NT5C1B: variants seen among roughly 807,000 people sequenced by gnomAD.
NT5C1B encodes 5'-nucleotidase, cytosolic IB.
Under a neutral mutation model 57.8 loss-of-function variants are expected in NT5C1B, and 44 were observed. That is an observed-to-expected ratio of 0.76 (90% CI 0.60 to 0.98). The LOEUF is 0.98. Among genes scored for constraint, NT5C1B ranks in the 50% least tolerant of loss-of-function variants. The probability of loss-of-function intolerance (pLI) is 0.00; values close to 1 mark genes in which losing one functional copy is unlikely to be tolerated. For synonymous variants in NT5C1B, 284 were observed against 282.6 expected, an observed-to-expected ratio of 1.00 and a Z score of -0.05; for missense variants, 742 against 719.5, an observed-to-expected ratio of 1.03 and a Z score of -0.36.
chr2:18,563,384 C>G (rs1664344628), exon 9 of NT5C1B: 1 of 154,500 alleles, frequency 6.5e-6, no homozygotes, highest in Non-Finnish European at 1.4e-5. Flanking sequence ...GTGTGCTTAA[C>G]CATACTCCTT....
At chr2:18,577,675 A>T (rs189421649) in intron 6 of NT5C1B, among the ~76,000 whole-genome samples, 102 of 152,066 alleles carry the variant, frequency 6.7e-4, no homozygotes, top group African/African-American at 2.1e-3. Context: ...ACAAATTAAC[A>T]ACATAACATC....
intron 5 of NT5C1B, chr2:18,583,553 T>C (rs1666373888): frequency 3.5e-6 from 1 of 289,634 alleles, no homozygotes; most frequent in African/African-American, 2.2e-5. Flanking sequence ...GTGTCATTTG[T>C]TTTTGCATGG....
intron 8 of NT5C1B, among the ~76,000 whole-genome samples, chr2:18,569,562 A>G (rs1664964095): frequency 1.3e-5 from 2 of 152,154 alleles, no homozygotes; most frequent in Admixed American, 1.3e-4. Flanking sequence ...ATCATATCAT[A>G]CAAACATTAG....
chr2:18,566,508 T>C (rs2079570915), intron 8 of NT5C1B, among the ~76,000 whole-genome samples: 1 of 152,202 alleles, frequency 6.6e-6, no homozygotes, highest in Non-Finnish European at 1.5e-5. Flanking sequence ...AGAAAACTCA[T>C]AGTGACTGTT....
Position 18,584,434 on chromosome 2 carries a change from C to G in NT5C1B, c.723+80G>C. 6.5e-6 allele frequency: 10 copies of G among 1,549,488 alleles called. No homozygotes were observed. Among genetic ancestry groups the G allele is most frequent in the Non-Finnish European group, 8.7e-6 (10 of 1,149,660 alleles). Reference sequence around the variant, plus strand: ...GGGGAGGAGAAGCGGGAGGACCTCCCTGCGCAGTGGAGAGGAGGGCGGCTG... The same window carrying G: ...GGGGAGGAGAAGCGGGAGGACCTCCGTGCGCAGTGGAGAGGAGGGCGGCTG... On this transcript the variant is annotated intron_variant, in intron 4 of 8. Coordinates refer to ENST00000304081, the Ensembl canonical transcript of NT5C1B. The surrounding 1 kb of genome is among the most constrained non-coding windows in gnomAD (Gnocchi z 5.8).
chr2:18,588,391 G>A (rs1024072030), intron 1 of NT5C1B, among the ~76,000 whole-genome samples: 3 of 152,158 alleles, frequency 2.0e-5, no homozygotes, highest in Non-Finnish European at 4.4e-5. Flanking sequence ...ATCCACTAGA[G>A]CAGTCTATAT....
rs781054410 is a variant in NT5C1B at position 18,584,621 on chromosome 2, C to A, written c.616G>T (p.Glu206Ter). The change falls in exon 4 of 9, where the codon GAG becomes TAG. Residue 206 changes from glutamate to a stop codon, truncating the protein, a stop_gained. Coordinates refer to ENST00000304081, the Ensembl canonical transcript of NT5C1B. LOFTEE classifies it high-confidence loss of function. The surrounding 1 kb of genome is among the most constrained non-coding windows in gnomAD (Gnocchi z 5.8). ...TCCTCCCGCTGCTGCTGCTGCTGCT[C>A]GGACAGAGAGTTGCGGTCCAGCTGG... 6.2e-7 allele frequency: 1 copy of A among 1,612,756 alleles called. No homozygotes were observed. Among genetic ancestry groups the A allele is most frequent in the East Asian group, 2.2e-5 (1 of 44,810 alleles).
chr2:18,585,430 A>G (rs752196750), intron 3 of NT5C1B, among the ~76,000 whole-genome samples: 1 of 152,134 alleles, frequency 6.6e-6, no homozygotes, highest in African/African-American at 2.4e-5. Flanking sequence ...TGGGCCAGAC[A>G]TTCTCACCAG....
At chr2:18,586,511 G>C in intron 2 of NT5C1B, 120 bp from the exon 3 acceptor site, 1 of 1,443,432 alleles carries the variant, frequency 6.9e-7, no homozygotes, top group Non-Finnish European at 9.3e-7. Context: ...AAGATCCCTG[G>C]CCTCAATGAC....
Position 18,584,479 on chromosome 2 carries a change from G to A in NT5C1B, c.723+35C>T, listed in dbSNP as rs769814015. 201 of 1,589,410 alleles carry A rather than the reference G, an allele frequency of 1.3e-4. No individual in the cohort carries two copies. Among genetic ancestry groups the A allele is most frequent in the Middle Eastern group, 2.0e-4 (1 of 4,968 alleles). On this transcript the variant is annotated intron_variant, in intron 4 of 8. Transcript: ENST00000304081. The surrounding 1 kb of genome is among the most constrained non-coding windows in gnomAD (Gnocchi z 5.8). ...CGGCTGGAAGAGGCTGCAAGGAAGG[G>A]CGCCCCGGCTGCCAGGGGCGGCGGG...
rs945565364 is a variant in NT5C1B at position 18,584,504 on chromosome 2, G to T, written c.723+10C>A. On this transcript the variant is annotated intron_variant, in intron 4 of 8. Transcript: ENST00000304081. This position sits in a 1 kb window ranked among gnomAD's most constrained non-coding sequence, Gnocchi z 5.8. ...GCGCCCCGGCTGCCAGGGGCGGCGG[G>T]CTGGCTCACCGGCCAGGGGCGCGAG... 1.9e-6 allele frequency: 3 copies of T among 1,605,030 alleles called. No homozygotes were observed. Among genetic ancestry groups the T allele is most frequent in the Non-Finnish European group, 2.5e-6 (3 of 1,176,572 alleles).
intron 1 of NT5C1B, among the ~76,000 whole-genome samples, 192 bp from the exon 2 acceptor site, chr2:18,587,784 G>T (rs756463451): frequency 6.6e-6 from 1 of 152,070 alleles, no homozygotes. Context: ...TTATTAAAAA[G>T]AATTATATAA....
chr2:18,580,126 T>TA (rs1382703075), intron 6 of NT5C1B, among the ~76,000 whole-genome samples: 2 of 152,202 alleles, frequency 1.3e-5, no homozygotes, highest in East Asian at 3.9e-4. Flanking sequence ...ATTAAAAAGT[T>TA]AAAAAATGAC....
intron 8 of NT5C1B, among the ~76,000 whole-genome samples, chr2:18,564,984 A>C (rs972923001): frequency 6.6e-6 from 1 of 152,192 alleles, no homozygotes; most frequent in African/African-American, 2.4e-5. Flanking sequence ...ATGAGAAATA[A>C]TGAAAGCAGG....
chr2:18,572,346 A>G (rs1289366983), intron 8 of NT5C1B, among the ~76,000 whole-genome samples: 1 of 152,196 alleles, frequency 6.6e-6, no homozygotes, highest in African/African-American at 2.4e-5. Context: ...AAATTTCTAT[A>G]TAAAAAGTCT....
chr2:18,584,480 C>A lies in NT5C1B; in HGVS notation c.723+34G>T. ...GGCTGGAAGAGGCTGCAAGGAAGGG[C>A]GCCCCGGCTGCCAGGGGCGGCGGGC... On this transcript the variant is annotated intron_variant, in intron 4 of 8. Coordinates refer to ENST00000304081, the Ensembl canonical transcript of NT5C1B. This position sits in a 1 kb window ranked among gnomAD's most constrained non-coding sequence, Gnocchi z 5.8. 6.3e-7 allele frequency: 1 copy of A among 1,589,342 alleles called. No individual in the cohort carries two copies. The highest frequency in any genetic ancestry group is 8.6e-7 in the Non-Finnish European group (1 of 1,168,810).
chr2:18,583,981 G>C (rs771522781), intron 5 of NT5C1B, 107 bp downstream of exon 5: 1 of 1,592,602 alleles, frequency 6.3e-7, no homozygotes, highest in East Asian at 2.2e-5. Flanking sequence ...GAATGACAAG[G>C]GTGGGCTAGG....
intron 6 of NT5C1B, among the ~76,000 whole-genome samples, chr2:18,577,941 C>T (rs932524550): frequency 1.3e-5 from 2 of 151,914 alleles, no homozygotes; most frequent in African/African-American, 4.8e-5. Flanking sequence ...TACTACCAAC[C>T]CCACAGAAAT....
intron 8 of NT5C1B, among the ~76,000 whole-genome samples, chr2:18,571,929 T>A: frequency 6.7e-6 from 1 of 149,820 alleles, no homozygotes; most frequent in Non-Finnish European, 1.5e-5. Context: ...CTACTAAAAA[T>A]ACAAAAATTA....
Sources: allele counts gnomAD v4.1 joint callset (sites outside exome capture counted in the v4.1 genomes callset), GRCh38; gene constraint gnomAD v4.1.1; non-coding constraint Gnocchi (gnomAD v3.1); transcripts MANE v1.5; gene names NCBI Gene and HGNC (gene_info 2026-07-23, HGNC 2026-07-21).